PDE3A: variants seen among roughly 807,000 people sequenced by gnomAD.
PDE3A encodes cGMP-inhibited 3',5'-cyclic phosphodiesterase 3A.
In PDE3A, 43 loss-of-function variants were observed where a neutral mutation model predicts 98.3. The observed-to-expected ratio is 0.44, with a 90% CI of 0.34 to 0.56. The LOEUF is 0.56. PDE3A is among the 20% of genes least tolerant of loss of function. PDE3A has a pLI of 0.01. For synonymous variants in PDE3A, 663 were observed against 567.9 expected (o/e 1.17, Z -2.38); for missense variants, 1,427 against 1,440.7 (o/e 0.99, Z 0.15).
intron 3 of PDE3A, 86 bp downstream of exon 3, chr12:20,613,786 T>C: frequency 2.0e-6 from 2 of 980,690 alleles, no homozygotes; most frequent in South Asian, 1.5e-5. Context: ...CTCAACTCCA[T>C]CTGCAGATTC....
At chr12:20,422,061 G>A (rs758286319) in intron 1 of PDE3A, among the ~76,000 whole-genome samples, 5 of 152,128 alleles carry the variant, frequency 3.3e-5, no homozygotes, top group East Asian at 3.9e-4. Context: ...ATTTTAGGGC[G>A]GCAGGCCGGG....
At chr12:20,463,649 A>G (rs1472673637) in intron 1 of PDE3A, among the ~76,000 whole-genome samples, 1 of 152,158 alleles carries the variant, frequency 6.6e-6, no homozygotes, top group Non-Finnish European at 1.5e-5. Context: ...TTTCTGAAAG[A>G]TTAGTGAATC....
chr12:20,658,495 T>C (rs1382486382), intron 15 of PDE3A, among the ~76,000 whole-genome samples: 2 of 152,218 alleles, frequency 1.3e-5, no homozygotes, highest in African/African-American at 4.8e-5. Flanking sequence ...AACGAAGGCG[T>C]TATTCAAGAC....
chr12:20,574,495 G>C (rs1156971562), intron 2 of PDE3A, among the ~76,000 whole-genome samples: 1 of 152,000 alleles, frequency 6.6e-6, no homozygotes, highest in African/African-American at 2.4e-5. Flanking sequence ...TACTTTGAAA[G>C]TTTGTTCTGT....
At chr12:20,609,968 T>G (rs1565447969) in intron 2 of PDE3A, among the ~76,000 whole-genome samples, 1 of 151,834 alleles carries the variant, frequency 6.6e-6, no homozygotes, top group African/African-American at 2.4e-5. Flanking sequence ...GGGGGAAAGC[T>G]CTCGGACATT....
At chr12:20,640,751 T>C (rs1944628193) in intron 10 of PDE3A, among the ~76,000 whole-genome samples, 2 of 152,130 alleles carry the variant, frequency 1.3e-5, no homozygotes, top group Admixed American at 6.6e-5. Context: ...ACGAAATATA[T>C]GGTTTGGGAG....
At chr12:20,425,426 A>G (rs1944587320) in intron 1 of PDE3A, among the ~76,000 whole-genome samples, 1 of 152,128 alleles carries the variant, frequency 6.6e-6, no homozygotes, top group Non-Finnish European at 1.5e-5. Flanking sequence ...TTAAATGTTT[A>G]TTGTTTTCTT....
chr12:20,684,886 C>T lies in PDE3A; in HGVS notation c.*4615C>T, dbSNP rs1286485029. On this transcript the variant is annotated 3_prime_UTR_variant, in exon 16 of 16. Transcript: ENST00000359062. ...CATAACTTAAATTGAGATTTGCATA[C>T]GTATTTGTGTGTTTCACACCAAAGA... Among the ~76,000 whole-genome samples the T allele has an allele frequency of 6.6e-6, 1 of 152,190 alleles. No individual in the cohort carries two copies. Among genetic ancestry groups the T allele is most frequent in the Non-Finnish European group, 1.5e-5 (1 of 68,022 alleles).
intron 1 of PDE3A, among the ~76,000 whole-genome samples, chr12:20,464,023 A>G (rs1945298642): frequency 6.6e-6 from 1 of 152,152 alleles, no homozygotes; most frequent in African/African-American, 2.4e-5. Context: ...TTTAATATTC[A>G]TTACCACTTA....
intron 1 of PDE3A, among the ~76,000 whole-genome samples, chr12:20,410,870 A>G (rs777028375): frequency 2.6e-5 from 4 of 152,208 alleles, no homozygotes; most frequent in Non-Finnish European, 5.9e-5. Context: ...GCACTAAAAT[A>G]AAAGCCAACA....
At chr12:20,411,466 C>A (rs1944331197) in intron 1 of PDE3A, among the ~76,000 whole-genome samples, 1 of 152,112 alleles carries the variant, frequency 6.6e-6, no homozygotes, top group African/African-American at 2.4e-5. Flanking sequence ...TGTATTGTAG[C>A]ATGTGTCAGA....
intron 2 of PDE3A, among the ~76,000 whole-genome samples, chr12:20,578,818 G>A (rs779534706): frequency 1.4e-4 from 21 of 152,070 alleles, no homozygotes; most frequent in African/African-American, 4.3e-4. Context: ...AAAGGATGCC[G>A]TCCTGGGGGC....
At chr12:20,629,230 A>C (rs918964539) in intron 5 of PDE3A, among the ~76,000 whole-genome samples, 7 of 152,168 alleles carry the variant, frequency 4.6e-5, no homozygotes, top group Non-Finnish European at 7.3e-5. Flanking sequence ...ATCTAGAGTA[A>C]ATACAGACAG....
intron 1 of PDE3A, among the ~76,000 whole-genome samples, chr12:20,474,600 C>T (rs374738166): frequency 6.6e-6 from 1 of 152,294 alleles, no homozygotes; most frequent in East Asian, 1.9e-4. Context: ...TCAGGAGACT[C>T]CAGGGGAAAA....
chr12:20,621,731 T>C (rs999296718), intron 5 of PDE3A, among the ~76,000 whole-genome samples: 1 of 152,108 alleles, frequency 6.6e-6, no homozygotes, highest in African/African-American at 2.4e-5. Context: ...ATTCCAATTT[T>C]TTAGTGTCTG....
chr12:20,528,634 G>T (rs1179277259), intron 1 of PDE3A, among the ~76,000 whole-genome samples: 1 of 152,164 alleles, frequency 6.6e-6, no homozygotes, highest in Non-Finnish European at 1.5e-5. Context: ...GATAAATAAG[G>T]TATGCCCATT....
chr12:20,564,153 T>G (rs1942598417), intron 2 of PDE3A, among the ~76,000 whole-genome samples: 1 of 152,032 alleles, frequency 6.6e-6, no homozygotes, highest in Admixed American at 6.6e-5. Flanking sequence ...ACTAGTATAT[T>G]AGTTCTCTAG....
intron 2 of PDE3A, among the ~76,000 whole-genome samples, chr12:20,595,557 A>G (rs1372791592): frequency 6.6e-6 from 1 of 152,234 alleles, no homozygotes; most frequent in Non-Finnish European, 1.5e-5. Flanking sequence ...TCCAGCAGCC[A>G]CAAGACATGC....
chr12:20,444,272 A>C (rs998337267), intron 1 of PDE3A, among the ~76,000 whole-genome samples: 1 of 152,112 alleles, frequency 6.6e-6, no homozygotes, highest in South Asian at 2.1e-4. Flanking sequence ...TGACCTGTCC[A>C]TCACGAATAT....
Sources: allele counts gnomAD v4.1 joint callset (sites outside exome capture counted in the v4.1 genomes callset), GRCh38; gene constraint gnomAD v4.1.1; transcripts MANE v1.5; gene names NCBI Gene and HGNC (gene_info 2026-07-23, HGNC 2026-07-21).